The following PCDH11Y variants were observed in gnomAD, a reference collection of about 807,000 sequenced individuals.
The protein encoded by PCDH11Y is protocadherin 11 Y-linked.
For synonymous variants in PCDH11Y, 9 were observed against 83.6 expected, an observed-to-expected ratio of 0.11 and a Z score of 4.87; for missense variants, 12 against 224.8, an observed-to-expected ratio of 0.05 and a Z score of 6.05.
chrY:5,332,252 T>C, intron 2 of PCDH11Y, among the ~76,000 whole-genome samples: 1 of 33,477 alleles, frequency 3.0e-5, no homozygotes, highest in South Asian at 6.7e-4. Context: ...ATTTGATTGA[T>C]GTGTCATACT....
chrY:5,507,568 G>A, intron 3 of PCDH11Y, among the ~76,000 whole-genome samples: 1 of 33,130 alleles, frequency 3.0e-5, no homozygotes, highest in South Asian at 6.6e-4. Context: ...TCTCTAAGAT[G>A]AGTGTATCTT....
chrY:5,525,943 CTGTGTG>C (rs752117151), intron 3 of PCDH11Y, among the ~76,000 whole-genome samples: 38 of 28,356 alleles, frequency 1.3e-3, no homozygotes, highest in Non-Finnish European at 4.2e-4. Context: ...CTCTCTCTCT[CTGTGTG>C]TGTGTGTGTG....
At chrY:5,315,180 A>C in intron 2 of PCDH11Y, among the ~76,000 whole-genome samples, 1 of 32,769 alleles carries the variant, frequency 3.1e-5, no homozygotes, top group African/African-American at 1.2e-4. Context: ...GGGAAAGTGG[A>C]GGCTAGGCCT....
intron 4 of PCDH11Y, among the ~76,000 whole-genome samples, chrY:5,586,540 G>A (rs2053456454): frequency 3.2e-5 from 1 of 31,022 alleles, no homozygotes; most frequent in Non-Finnish European, 7.8e-5. Context: ...TAGATATAGG[G>A]TCATGTCATC....
At chrY:5,079,154 T>C in intron 1 of PCDH11Y, among the ~76,000 whole-genome samples, 1 of 33,591 alleles carries the variant, frequency 3.0e-5, no homozygotes, top group Admixed American at 2.7e-4. Flanking sequence ...ACGCAAGAGG[T>C]AGGTTCCCAT....
chrY:5,156,162 A>AGT lies in PCDH11Y; in HGVS notation c.3129+55481_3129+55482dup, dbSNP rs56938003. ...ATGGTGTATGTGTCTGCATTGTGTG[A>AGT]GTGTGTGTGTGTGTGTGTGTGTGTG... On this transcript the variant is annotated intron_variant, in intron 2 of 4. Transcript: ENST00000400457. Among the ~76,000 whole-genome samples, 82 of 23,214 alleles carry AGT rather than the reference A, an allele frequency of 3.5e-3. No individual in the cohort carries two copies. In the Middle Eastern group the frequency reaches 0.08, roughly 23 times the overall value. The allele number at this position is 23,214 out of a possible 37,273, so 62.3% of individuals were successfully genotyped here.
chrY:5,401,636 C>T, intron 2 of PCDH11Y, among the ~76,000 whole-genome samples: 1 of 32,329 alleles, frequency 3.1e-5, no homozygotes, highest in East Asian at 8.2e-4. Context: ...GTGTGTTGTT[C>T]CTGTCTCTGT....
chrY:5,273,180 A>T, intron 2 of PCDH11Y, among the ~76,000 whole-genome samples: 1 of 34,221 alleles, frequency 2.9e-5, no homozygotes, highest in Non-Finnish European at 7.3e-5. Flanking sequence ...TAAATGATTT[A>T]GAGGAAAGTA....
At chrY:5,501,665 T>C in intron 3 of PCDH11Y, among the ~76,000 whole-genome samples, 5 of 31,195 alleles carry the variant, frequency 1.6e-4, no homozygotes, top group Non-Finnish European at 3.1e-4. Flanking sequence ...AGTTATTTTC[T>C]TTCTGAGGAA....
At chrY:5,375,276 A>G (rs2053196722) in intron 2 of PCDH11Y, among the ~76,000 whole-genome samples, 1 of 32,507 alleles carries the variant, frequency 3.1e-5, no homozygotes, top group Non-Finnish European at 7.5e-5. Flanking sequence ...TGAGTTTGTA[A>G]AAGTATGACA....
intron 2 of PCDH11Y, among the ~76,000 whole-genome samples, chrY:5,466,712 G>T: frequency 3.0e-5 from 1 of 32,885 alleles, no homozygotes; most frequent in Non-Finnish European, 7.6e-5. Flanking sequence ...CTTGATAAAT[G>T]TGAGGTCAAT....
intron 2 of PCDH11Y, among the ~76,000 whole-genome samples, chrY:5,192,727 T>C (rs2052913878): frequency 3.0e-5 from 1 of 33,538 alleles, no homozygotes; most frequent in Non-Finnish European, 7.4e-5. Context: ...TTTTGAGTAG[T>C]GCAGTGAATT....
intron 3 of PCDH11Y, among the ~76,000 whole-genome samples, chrY:5,038,384 A>G: frequency 1.9e-4 from 5 of 25,830 alleles, no homozygotes; most frequent in African/African-American, 6.1e-4. Context: ...CATGATTTCT[A>G]TCATGCATCA....
chrY:5,702,059 T>C (rs1602962074), intron 4 of PCDH11Y, among the ~76,000 whole-genome samples: 9 of 33,669 alleles, frequency 2.7e-4, no homozygotes, highest in African/African-American at 7.0e-4. Context: ...AGTGTATTTA[T>C]CCAATGCCTA....
intron 3 of PCDH11Y, among the ~76,000 whole-genome samples, chrY:5,561,448 T>C (rs1443609964): frequency 8.2e-4 from 23 of 28,013 alleles, no homozygotes; most frequent in Middle Eastern, 0.015. Flanking sequence ...CACCCAAATC[T>C]CATCTTTAAT....
intron 4 of PCDH11Y, among the ~76,000 whole-genome samples, chrY:5,584,346 G>T: frequency 3.2e-5 from 1 of 31,008 alleles, no homozygotes; most frequent in Admixed American, 3.0e-4. Flanking sequence ...TTTTGTTGAA[G>T]ATTTTTGCAT....
chrY:5,174,980 TA>T (rs2052891787), intron 2 of PCDH11Y, among the ~76,000 whole-genome samples: 1 of 28,425 alleles, frequency 3.5e-5, no homozygotes, highest in African/African-American at 1.4e-4. Context: ...TCAACATTCA[TA>T]ATAGATCTAG....
intron 2 of PCDH11Y, among the ~76,000 whole-genome samples, chrY:5,310,804 AAAT>A (rs2053098613): frequency 3.1e-5 from 1 of 32,704 alleles, no homozygotes; most frequent in South Asian, 6.5e-4. Context: ...ATATTGTTTA[AAAT>A]AATAATAAAA....
At chrY:5,294,607 T>G in intron 2 of PCDH11Y, among the ~76,000 whole-genome samples, 3 of 24,204 alleles carry the variant, frequency 1.2e-4, no homozygotes, top group Admixed American at 6.8e-4. Context: ...TAAACAAACA[T>G]GCAAAAAAAA....
Sources: gnomAD v4.1 joint callset for allele counts (sites outside exome capture counted in the v4.1 genomes callset) on GRCh38, gnomAD v4.1.1 for gene constraint, MANE v1.5 for transcripts, NCBI Gene and HGNC (gene_info 2026-07-23, HGNC 2026-07-21) for gene names.